DNAJC1: variants seen among roughly 807,000 people sequenced by gnomAD.
The protein encoded by DNAJC1 is dnaJ homolog subfamily C member 1.
In DNAJC1, 58 loss-of-function variants were observed where a neutral mutation model predicts 76.6. That is an observed-to-expected ratio of 0.76 (90% CI 0.61 to 0.94). The LOEUF (loss-of-function observed/expected upper bound fraction) is 0.94, where lower values mean the gene tolerates loss of function less well. DNAJC1 is among the 40% of genes least tolerant of loss of function. The probability of loss-of-function intolerance (pLI) is 0.00; values close to 1 mark genes in which losing one functional copy is unlikely to be tolerated. For missense variants in DNAJC1, 689 were observed against 677.3 expected, an observed-to-expected ratio of 1.02 and a Z score of -0.19; for synonymous variants, 258 against 267.9, an observed-to-expected ratio of 0.96 and a Z score of 0.36.
At chr10:21,990,511 G>C (rs1234451438) in intron 1 of DNAJC1, among the ~76,000 whole-genome samples, 1 of 152,178 alleles carries the variant, frequency 6.6e-6, no homozygotes, top group Non-Finnish European at 1.5e-5. Flanking sequence ...TGAGCATGTT[G>C]AAAGTAGATA....
intron 6 of DNAJC1, 112 bp downstream of exon 6, chr10:21,918,667 T>C (rs1836991822): frequency 1.5e-6 from 1 of 687,722 alleles, no homozygotes; most frequent in Non-Finnish European, 2.5e-6. Context: ...TCAATCAACA[T>C]TATAAAGCAT....
At chr10:21,845,356 C>CTT (rs112507630) in intron 8 of DNAJC1, among the ~76,000 whole-genome samples, 2 of 141,168 alleles carry the variant, frequency 1.4e-5, no homozygotes, top group African/African-American at 2.6e-5. Flanking sequence ...AAAATTAGAA[C>CTT]TTTTTTTTTT....
intron 9 of DNAJC1, chr10:21,785,432 A>T (rs995028247): frequency 6.6e-6 from 1 of 152,242 alleles, no homozygotes; most frequent in Non-Finnish European, 1.5e-5. Flanking sequence ...TCTGTGGAAG[A>T]AGAAAACTGA....
At chr10:21,814,629 T>C (rs1488227991) in intron 8 of DNAJC1, among the ~76,000 whole-genome samples, 1 of 152,146 alleles carries the variant, frequency 6.6e-6, no homozygotes, top group Non-Finnish European at 1.5e-5. Context: ...TTAAATCCAT[T>C]TGGAAATGAC....
intron 9 of DNAJC1, among the ~76,000 whole-genome samples, chr10:21,789,953 T>A (rs1343263973): frequency 7.4e-6 from 1 of 134,284 alleles, no homozygotes; most frequent in African/African-American, 2.9e-5. Flanking sequence ...GAGGTTGCAG[T>A]GAGCCAAGAC....
rs35532996 is a variant in DNAJC1 at position 21,892,356 on chromosome 10, A to AACAC, written c.821-9921_821-9918dup. On this transcript the variant is annotated intron_variant, in intron 7 of 11. Transcript: ENST00000376980. ...GTTTAAATACACAAATTGTCTATTTAACACACACACACACACACACACACA... is the reference window on the plus strand; with the variant it reads ...GTTTAAATACACAAATTGTCTATTTAACACACACACACACACACACACACACACA... 7.7e-3 allele frequency among the ~76,000 whole-genome samples: 1,137 copies of AACAC among 147,706 alleles called. 1 individual carries two copies. Among genetic ancestry groups the AACAC allele is most frequent in the African/African-American group, 0.013 (521 of 40,390 alleles).
chr10:21,973,459 T>A (rs1020653776), intron 1 of DNAJC1, among the ~76,000 whole-genome samples: 1 of 152,232 alleles, frequency 6.6e-6, no homozygotes, highest in Non-Finnish European at 1.5e-5. Flanking sequence ...TGTTCTATTG[T>A]GATCCTAGCA....
intron 9 of DNAJC1, among the ~76,000 whole-genome samples, chr10:21,803,611 G>GTC (rs1189277962): frequency 2.0e-5 from 3 of 151,158 alleles, no homozygotes; most frequent in African/African-American, 7.3e-5. Context: ...GTGTGTGTGT[G>GTC]TGTGTGTGTG....
At chr10:21,972,422 TTGAG>T (rs1400315068) in intron 1 of DNAJC1, among the ~76,000 whole-genome samples, 1 of 152,038 alleles carries the variant, frequency 6.6e-6, no homozygotes, top group Non-Finnish European at 1.5e-5. Flanking sequence ...AATTTTCTAC[TTGAG>T]TATGTATTTA....
chr10:21,766,375 T>A, intron 9 of DNAJC1, 66 bp from the exon 10 acceptor site: 2 of 1,206,806 alleles, frequency 1.7e-6, no homozygotes, highest in South Asian at 2.4e-5. Context: ...AGTGAAACGA[T>A]TCCATGTAAG....
chr10:21,837,531 T>A (rs1021186586), intron 8 of DNAJC1, among the ~76,000 whole-genome samples: 5 of 149,894 alleles, frequency 3.3e-5, no homozygotes, highest in African/African-American at 1.2e-4. Flanking sequence ...CTGCCCCGTC[T>A]GGGATGTGAG....
chr10:21,943,617 T>C (rs568097968), intron 1 of DNAJC1, among the ~76,000 whole-genome samples: 4 of 152,300 alleles, frequency 2.6e-5, no homozygotes, highest in African/African-American at 4.8e-5. Flanking sequence ...TGATCCCTAA[T>C]CCCAGAGCTC....
chr10:21,932,503 T>C (rs987122976), intron 1 of DNAJC1, among the ~76,000 whole-genome samples: 1 of 152,224 alleles, frequency 6.6e-6, no homozygotes, highest in Non-Finnish European at 1.5e-5. Flanking sequence ...ATCAACTTTA[T>C]CTGATCTCTA....
chr10:21,760,626 A>T (rs768202572), intron 10 of DNAJC1, among the ~76,000 whole-genome samples: 17 of 152,264 alleles, frequency 1.1e-4, no homozygotes, highest in Non-Finnish European at 2.2e-4. Context: ...ACAATTATAT[A>T]AACCACTTGG....
At chr10:21,830,981 G>C (rs945322598) in intron 8 of DNAJC1, among the ~76,000 whole-genome samples, 9 of 151,874 alleles carry the variant, frequency 5.9e-5, no homozygotes, top group Non-Finnish European at 1.0e-4. Context: ...GCTGAGTTTT[G>C]TGGTCTCTTT....
chr10:21,826,881 C>T (rs548897076), intron 8 of DNAJC1, among the ~76,000 whole-genome samples: 13 of 151,926 alleles, frequency 8.6e-5, no homozygotes, highest in Non-Finnish European at 1.9e-4. Flanking sequence ...TATGTCAGTA[C>T]CACACCATTT....
chr10:21,898,978 T>C lies in DNAJC1; in HGVS notation c.820+5544A>G, dbSNP rs551247122. Among the ~76,000 whole-genome samples the C allele has an allele frequency of 3.3e-5, 5 of 152,234 alleles. No individual in the cohort carries two copies. The South Asian group carries it at 1.0e-3, about 32-fold the overall frequency. On this transcript the variant is annotated intron_variant, in intron 7 of 11. Transcript: ENST00000376980. ...CATTGGGACTGACTAGGAAAACTAC[T>C]TGACCCATGGAAAATGAAGAAAAGC...
At chr10:21,855,654 T>G (rs1835822741) in intron 8 of DNAJC1, among the ~76,000 whole-genome samples, 1 of 152,180 alleles carries the variant, frequency 6.6e-6, no homozygotes, top group African/African-American at 2.4e-5. Context: ...GTTATCAAAC[T>G]AATTACATTT....
At chr10:21,790,308 C>G (rs1460577030) in intron 9 of DNAJC1, among the ~76,000 whole-genome samples, 1 of 151,788 alleles carries the variant, frequency 6.6e-6, no homozygotes, top group Non-Finnish European at 1.5e-5. Context: ...TCTGGGGCAT[C>G]CAGAGACCCC....
Sources: gnomAD v4.1 joint callset for allele counts (sites outside exome capture counted in the v4.1 genomes callset) on GRCh38, gnomAD v4.1.1 for gene constraint, MANE v1.5 for transcripts, NCBI Gene and HGNC (gene_info 2026-07-23, HGNC 2026-07-21) for gene names.